COPG2: variants seen among roughly 807,000 people sequenced by gnomAD.
The protein encoded by COPG2 is coat protein complex I subunit gamma 2.
A neutral mutation model predicts 46.3 loss-of-function variants in COPG2; 37 were observed. That is an observed-to-expected ratio of 0.80 (90% CI 0.61 to 1.05). The LOEUF (loss-of-function observed/expected upper bound fraction) is 1.05, where lower values mean the gene tolerates loss of function less well. Ranked by LOEUF, COPG2 falls within the 50% of genes least tolerant of loss-of-function variation. COPG2 has a pLI of 0.00. For missense variants in COPG2, 427 were observed against 387.8 expected, an observed-to-expected ratio of 1.10 and a Z score of -0.85; for synonymous variants, 159 against 129.7, an observed-to-expected ratio of 1.23 and a Z score of -1.53.
At chr7:130,586,237 T>C (rs1554447963) in intron 9 of COPG2, among the ~76,000 whole-genome samples, 1 of 152,044 alleles carries the variant, frequency 6.6e-6, no homozygotes, top group African/African-American at 2.4e-5. Context: ...AAACATTGTA[T>C]GTTCTCACTT....
At chr7:130,526,844 C>T (rs1031374279) in intron 20 of COPG2, among the ~76,000 whole-genome samples, 1 of 33,310 alleles carries the variant, frequency 3.0e-5, no homozygotes, top group Non-Finnish European at 6.3e-5. Flanking sequence ...GGATGGGGTT[C>T]GGGGTGGGAT....
At chr7:130,584,595 C>T (rs781983459) in intron 9 of COPG2, among the ~76,000 whole-genome samples, 1 of 151,960 alleles carries the variant, frequency 6.6e-6, no homozygotes, top group Admixed American at 6.6e-5. Flanking sequence ...AGAACTGATA[C>T]AAGAATTCAG....
intron 19 of COPG2, among the ~76,000 whole-genome samples, 154 bp from the exon 20 acceptor site, chr7:130,547,999 C>A (rs1793472888): frequency 6.6e-6 from 1 of 152,120 alleles, no homozygotes; most frequent in East Asian, 1.9e-4. Flanking sequence ...ACAGGGAGAG[C>A]CTTATTCTTG....
intron 9 of COPG2, among the ~76,000 whole-genome samples, chr7:130,579,513 G>T (rs1794089066): frequency 6.6e-6 from 1 of 151,316 alleles, no homozygotes; most frequent in Admixed American, 6.6e-5. Context: ...AACTTTAAAT[G>T]TAAATGGACT....
At chr7:130,538,146 C>T (rs1054689512) in intron 20 of COPG2, among the ~76,000 whole-genome samples, 6 of 152,170 alleles carry the variant, frequency 3.9e-5, no homozygotes, top group East Asian at 1.9e-4. Flanking sequence ...GTGGATTGAC[C>T]TGGCGGAGAC....
intron 20 of COPG2, among the ~76,000 whole-genome samples, chr7:130,513,341 A>ATATATATATATG (rs1215646008): frequency 5.4e-4 from 28 of 51,516 alleles, no homozygotes; most frequent in Admixed American, 9.8e-4. Context: ...ATATATATAT[A>ATATATATATATG]TGTGTGTGTG....
chr7:130,636,234 C>T (rs568296023), intron 5 of COPG2, among the ~76,000 whole-genome samples: 1 of 152,278 alleles, frequency 6.6e-6, no homozygotes, highest in African/African-American at 2.4e-5. Flanking sequence ...TGATCCAGAG[C>T]TGAGTTCAAG....
intron 5 of COPG2, among the ~76,000 whole-genome samples, chr7:130,642,331 C>T (rs187736872): frequency 6.6e-6 from 1 of 151,906 alleles, no homozygotes. Flanking sequence ...TTGTGATCAT[C>T]TATGTAACCT....
At chr7:130,544,148 A>C (rs890977613) in intron 20 of COPG2, among the ~76,000 whole-genome samples, 1 of 152,230 alleles carries the variant, frequency 6.6e-6, no homozygotes, top group African/African-American at 2.4e-5. Flanking sequence ...GCTTAGAAGA[A>C]TGCAAAGCTT....
chr7:130,647,083 C>G (rs1214043642), intron 5 of COPG2, among the ~76,000 whole-genome samples: 2 of 151,250 alleles, frequency 1.3e-5, no homozygotes, highest in Non-Finnish European at 2.9e-5. Context: ...CTCTGTCACC[C>G]AGGCTGGAGT....
In COPG2 at chr7:130,608,024, C is replaced by T. The variant is rs184187938; in HGVS notation, c.737+2929G>A. The T allele has an allele frequency of 1.8e-3, 627 of 339,042 alleles. 1 individual carries two copies. The highest frequency in any genetic ancestry group is 3.2e-3 in the Non-Finnish European group (554 of 173,486). The allele number at this position is 339,042 out of a possible 1,614,324, so 21.0% of individuals were successfully genotyped here. A position where few individuals can be genotyped will look rare whatever the true frequency, so the allele number is the denominator to read the frequency against. ...TTATTTGCAGGAGGATTAAGCTGGCCAAGCTACACCATTATTGGAAGGAGG... is the reference window on the plus strand; with the variant it reads ...TTATTTGCAGGAGGATTAAGCTGGCTAAGCTACACCATTATTGGAAGGAGG... On this transcript the variant is annotated intron_variant, in intron 9 of 23. Coordinates refer to ENST00000425248, the MANE Select transcript of COPG2 (RefSeq NM_012133.6).
chr7:130,612,367 T>A, intron 7 of COPG2, 129 bp from the exon 8 acceptor site: 1 of 615,642 alleles, frequency 1.6e-6, no homozygotes, highest in Non-Finnish European at 2.8e-6. Context: ...CTCTTATAAG[T>A]CTATTTTGTG....
At chr7:130,551,494 T>C (rs1394786453) in intron 15 of COPG2, 150 bp from the exon 16 acceptor site, 4 of 390,688 alleles carry the variant, frequency 1.0e-5, no homozygotes, top group African/African-American at 4.1e-5. Context: ...TCCTAAAGTC[T>C]TCACAAATCT....
intron 5 of COPG2, among the ~76,000 whole-genome samples, chr7:130,635,191 C>T (rs1312954206): frequency 6.6e-6 from 1 of 151,730 alleles, no homozygotes; most frequent in Non-Finnish European, 1.5e-5. Context: ...TGTGTCTCTG[C>T]CAGGTTTTGG....
chr7:130,654,344 C>T lies in COPG2; in HGVS notation c.244-1396G>A, dbSNP rs1795806441. Among the ~76,000 whole-genome samples the T allele has an allele frequency of 2.6e-5, 4 of 152,136 alleles. No homozygotes were observed. The South Asian group carries it at 8.3e-4, about 32-fold the overall frequency. On this transcript the variant is annotated intron_variant, in intron 4 of 23. Transcript: ENST00000425248. ...CATTCACAGCCACAGAAGGATCTTA[C>T]TGGCATGGAATATAGTATCTAACAT...
chr7:130,611,060 AG>A lies in COPG2; in HGVS notation c.629del (p.Ala210ValfsTer6). ...TAAACTTATTCAACATCTTGGAAAC[AG>A]CAAGTCGATCATTCTTTCTAAGGTG... The part of the protein sequence containing the change: ...LYHLRKNDRL[A>X]VSKMLNKFTK... On this transcript the variant is annotated frameshift_variant, in exon 9 of 24. Transcript: ENST00000425248. LOFTEE classifies it high-confidence loss of function. 1 of 1,613,884 alleles carries A rather than the reference AG, an allele frequency of 6.2e-7. No homozygotes were observed. The highest frequency in any genetic ancestry group is 1.1e-5 in the South Asian group (1 of 91,088).
chr7:130,599,545 C>T (rs1222163379), intron 9 of COPG2, among the ~76,000 whole-genome samples: 1 of 152,052 alleles, frequency 6.6e-6, no homozygotes, highest in African/African-American at 2.4e-5. Context: ...AGCCCCAAAC[C>T]CCCCTTGTAT....
At chr7:130,558,835 T>TG (rs1793672703) in intron 12 of COPG2, among the ~76,000 whole-genome samples, 1 of 152,106 alleles carries the variant, frequency 6.6e-6, no homozygotes, top group Admixed American at 6.6e-5. Context: ...AATAGAATTT[T>TG]GGGGGGCAAC....
intron 3 of COPG2, among the ~76,000 whole-genome samples, chr7:130,665,654 G>A (rs1796062268): frequency 1.3e-5 from 2 of 152,068 alleles, no homozygotes; most frequent in Admixed American, 6.5e-5. Flanking sequence ...GGGAGGATAT[G>A]TGTAGGTTAT....
Sources: gnomAD v4.1 joint callset for allele counts (sites outside exome capture counted in the v4.1 genomes callset) on GRCh38, gnomAD v4.1.1 for gene constraint, MANE v1.5 for transcripts, NCBI Gene and HGNC (gene_info 2026-07-23, HGNC 2026-07-21) for gene names.